Variants in SOCS7 observed in about 807,000 individuals in gnomAD.
The protein encoded by SOCS7 is suppressor of cytokine signaling 7.
SOCS7 carries 18 observed loss-of-function variants against 58.9 expected under a neutral mutation model. The ratio of observed to expected loss-of-function variants is 0.31; its 90% CI spans 0.21 to 0.45. The LOEUF is 0.45. Ranked by LOEUF, SOCS7 falls within the 20% of genes least tolerant of loss-of-function variation. The pLI is 1.00. For synonymous variants in SOCS7, 388 were observed against 364.3 expected (o/e 1.06, Z -0.74); for missense variants, 667 against 837.3 (o/e 0.80, Z 2.51).
intron 7 of SOCS7, among the ~76,000 whole-genome samples, chr17:38,383,523 T>G (rs2038029587): frequency 6.6e-6 from 1 of 152,180 alleles, no homozygotes; most frequent in Non-Finnish European, 1.5e-5. Flanking sequence ...CCTGTCTGAT[T>G]GCCAGGTCAT....
At chr17:38,383,689 C>A (rs544613036) in intron 7 of SOCS7, among the ~76,000 whole-genome samples, 1 of 152,038 alleles carries the variant, frequency 6.6e-6, no homozygotes, top group Non-Finnish European at 1.5e-5. Flanking sequence ...GGATTATAGG[C>A]GCCCACCATC....
rs1555568328 is a variant in SOCS7 at position 38,366,310 on chromosome 17, A to T, written c.1276A>T (p.Ile426Phe). ...APDAFPRIAP[I>F]RAAESLHSQP... ...AGATGCATTTCCCCGGATTGCTCCC[A>T]TCCGAGCAGCTGAATCCCTGCACAG... Residue 426 changes from isoleucine to phenylalanine, a missense_variant, in exon 5 of 10, where the codon ATC becomes TTC. By Grantham distance (21) the Ile-to-Phe change is conservative (BLOSUM62 0). Transcript: ENST00000612932. 6.2e-7 allele frequency: 1 copy of T among 1,614,004 alleles called. No homozygotes were observed. The highest frequency in any genetic ancestry group is 1.3e-5 in the African/African-American group (1 of 74,916).
chr17:38,380,725 G>A (rs1351765656), intron 7 of SOCS7, among the ~76,000 whole-genome samples: 1 of 151,972 alleles, frequency 6.6e-6, no homozygotes, highest in Non-Finnish European at 1.5e-5. Context: ...CAGGCATGGT[G>A]GCGGGCACCT....
At chr17:38,383,174 A>C (rs2038025076) in intron 7 of SOCS7, among the ~76,000 whole-genome samples, 1 of 152,188 alleles carries the variant, frequency 6.6e-6, no homozygotes, top group South Asian at 2.1e-4. Flanking sequence ...CTGTGATCTT[A>C]GGCATGAACT....
At chr17:38,365,906 A>T in intron 4 of SOCS7, 1 of 857,412 alleles carries the variant, frequency 1.2e-6, no homozygotes, top group African/African-American at 1.8e-5. Context: ...TGGCAAAATC[A>T]TTACTCTTCC....
At chr17:38,376,561 G>A (rs759666237) in intron 6 of SOCS7, among the ~76,000 whole-genome samples, 3 of 152,000 alleles carry the variant, frequency 2.0e-5, no homozygotes, top group Non-Finnish European at 2.9e-5. Context: ...GTGAAACCCT[G>A]TCTCTACTAA....
chr17:38,361,571 G>A, intron 1 of SOCS7, 140 bp from the exon 2 acceptor site: 1 of 723,814 alleles, frequency 1.4e-6, no homozygotes, highest in South Asian at 1.5e-5. Flanking sequence ...TTTATTTTAT[G>A]CTGTATTACA....
At chr17:38,377,642 A>G (rs2037948844) in intron 6 of SOCS7, 72 bp from the exon 7 acceptor site, 1 of 1,446,094 alleles carries the variant, frequency 6.9e-7, no homozygotes, top group Admixed American at 2.2e-5. Context: ...TCATAGTTAA[A>G]ATATTCAAAC....
intron 7 of SOCS7, among the ~76,000 whole-genome samples, chr17:38,393,363 AT>A (rs1169596470): frequency 6.6e-6 from 1 of 152,098 alleles, no homozygotes; most frequent in Non-Finnish European, 1.5e-5. Context: ...TGGGCCGGGC[AT>A]GGTGGCTCAT....
At chr17:38,383,313 T>A (rs2038027133) in intron 7 of SOCS7, among the ~76,000 whole-genome samples, 1 of 152,166 alleles carries the variant, frequency 6.6e-6, no homozygotes, top group African/African-American at 2.4e-5. Context: ...TGACACAGAG[T>A]AAGCACTCAA....
intron 3 of SOCS7, among the ~76,000 whole-genome samples, chr17:38,365,093 G>A (rs1650544519): frequency 1.3e-5 from 2 of 152,144 alleles, no homozygotes; most frequent in Admixed American, 1.3e-4. Flanking sequence ...TGAACCCACT[G>A]CTATTGGGCT....
At position 38,389,458 on chromosome 17, in the gene SOCS7, AG is replaced by A. The variant is rs1225080266; in HGVS notation, c.1682-5850del. The stretch of plus-strand genomic sequence containing the variant: ...GTAGTCCTAGCTACTTGGAAGACTG[AG>A]ATGGGAGGATTGCTTGAGTCCAGGA... On this transcript the variant is annotated intron_variant, in intron 7 of 9. Coordinates refer to ENST00000612932, the MANE Select transcript of SOCS7 (RefSeq NM_014598.4). Among the ~76,000 whole-genome samples the A allele has an allele frequency of 6.5e-3, 987 of 152,264 alleles. 11 individuals carry two copies. Among genetic ancestry groups the A allele is most frequent in the African/African-American group, 0.022 (919 of 41,552 alleles).
chr17:38,391,822 G>C (rs2038176349), intron 7 of SOCS7, among the ~76,000 whole-genome samples: 1 of 152,182 alleles, frequency 6.6e-6, no homozygotes, highest in South Asian at 2.1e-4. Flanking sequence ...TCTGGAATGT[G>C]AAACAGATGT....
At chr17:38,394,948 G>C (rs1284015703) in intron 7 of SOCS7, among the ~76,000 whole-genome samples, 2 of 152,204 alleles carry the variant, frequency 1.3e-5, no homozygotes, top group Non-Finnish European at 2.9e-5. Flanking sequence ...TACTCAGGAG[G>C]CTGAGGCGGG....
At chr17:38,369,621 C>T (rs1349851819) in intron 6 of SOCS7, among the ~76,000 whole-genome samples, 2 of 149,984 alleles carry the variant, frequency 1.3e-5, no homozygotes, top group African/African-American at 4.9e-5. Context: ...CCTTTAAGTT[C>T]TTGATAGGTG....
At chr17:38,362,380 G>A (rs1208683614) in intron 2 of SOCS7, among the ~76,000 whole-genome samples, 7 of 152,178 alleles carry the variant, frequency 4.6e-5, no homozygotes, top group East Asian at 1.9e-4. Context: ...CTGCCTTCTC[G>A]TTTCGTAGGG....
chr17:38,395,712 C>G, intron 8 of SOCS7, 136 bp from the exon 9 acceptor site: 1 of 972,798 alleles, frequency 1.0e-6, no homozygotes, highest in Non-Finnish European at 1.5e-6. Context: ...GAAGACAGAA[C>G]TATAATAACT....
chr17:38,389,863 G>GTACATATATATATA (rs1261982144), intron 7 of SOCS7, among the ~76,000 whole-genome samples: 8 of 22,328 alleles, frequency 3.6e-4, no homozygotes, highest in African/African-American at 1.3e-3. Flanking sequence ...GTGTGTATGT[G>GTACATATATATATA]TGTACATATA....
intron 6 of SOCS7, among the ~76,000 whole-genome samples, chr17:38,372,853 TC>T (rs767486216): frequency 4.6e-5 from 7 of 152,196 alleles, no homozygotes; most frequent in Non-Finnish European, 1.0e-4. Flanking sequence ...ACACCTGTAA[TC>T]CCGGCACTTT....
Sources: allele counts gnomAD v4.1 joint callset (sites outside exome capture counted in the v4.1 genomes callset), GRCh38; gene constraint gnomAD v4.1.1; transcripts MANE v1.5; gene names NCBI Gene and HGNC (gene_info 2026-07-23, HGNC 2026-07-21).